The following SLC26A7 variants were observed in gnomAD, a reference collection of about 807,000 sequenced individuals.
SLC26A7 encodes the protein solute carrier family 26 member 7, also known as anion exchange transporter.
SLC26A7 carries 59 observed loss-of-function variants against 82.5 expected under a neutral mutation model. The ratio of observed to expected loss-of-function variants is 0.72; its 90% CI spans 0.58 to 0.89. SLC26A7 has a LOEUF of 0.89. Ranked by LOEUF, SLC26A7 falls within the 40% of genes least tolerant of loss-of-function variation. SLC26A7 has a pLI of 0.00. For synonymous variants in SLC26A7, 271 were observed against 274.3 expected (o/e 0.99, Z 0.12); for missense variants, 820 against 793.0 (o/e 1.03, Z -0.41).
chr8:91,387,102 T>G (rs2130902125), intron 15 of SLC26A7, among the ~76,000 whole-genome samples: 1 of 152,246 alleles, frequency 6.6e-6, no homozygotes, highest in African/African-American at 2.4e-5. Context: ...ACTGTGAAAA[T>G]TTAATAGAAC....
chr8:91,213,714 G>A (rs1469781115), intron 1 of SLC26A7, among the ~76,000 whole-genome samples: 1 of 152,158 alleles, frequency 6.6e-6, no homozygotes, highest in Non-Finnish European at 1.5e-5. Flanking sequence ...TTTGGGAAGT[G>A]CCTAGAAACA....
intron 2 of SLC26A7, among the ~76,000 whole-genome samples, chr8:91,286,694 A>G (rs1811720617): frequency 6.6e-6 from 1 of 152,198 alleles, no homozygotes; most frequent in South Asian, 2.1e-4. Context: ...TTACAGAGAA[A>G]GTAGAGATAA....
intron 2 of SLC26A7, among the ~76,000 whole-genome samples, chr8:91,253,328 A>T (rs1810710371): frequency 6.6e-6 from 1 of 152,000 alleles, no homozygotes; most frequent in Non-Finnish European, 1.5e-5. Flanking sequence ...CACCCTGCCC[A>T]CTAGCATACG....
intron 2 of SLC26A7, among the ~76,000 whole-genome samples, chr8:91,230,126 A>G (rs1810292379): frequency 6.6e-6 from 1 of 152,136 alleles, no homozygotes; most frequent in Non-Finnish European, 1.5e-5. Context: ...ATATTGTTGC[A>G]TATATCACGA....
chr8:91,369,702 T>A, intron 14 of SLC26A7, 83 bp from the exon 15 acceptor site: 1 of 1,013,534 alleles, frequency 9.9e-7, no homozygotes, highest in Non-Finnish European at 1.4e-6. Context: ...TTATTCTTTA[T>A]AAGTAAAAGA....
intron 15 of SLC26A7, among the ~76,000 whole-genome samples, chr8:91,382,555 A>G (rs1302271840): frequency 1.4e-4 from 22 of 152,208 alleles, no homozygotes; most frequent in Admixed American, 1.4e-3. Flanking sequence ...AAAAAAGTCA[A>G]CTAGATCTGT....
At chr8:91,292,756 A>T (rs1811908161) in intron 3 of SLC26A7, among the ~76,000 whole-genome samples, 1 of 152,146 alleles carries the variant, frequency 6.6e-6, no homozygotes, top group African/African-American at 2.4e-5. Context: ...AAAAGGAATA[A>T]ATCAGTTGAT....
chr8:91,366,492 T>A, intron 13 of SLC26A7, 88 bp from the exon 14 acceptor site: 1 of 1,405,756 alleles, frequency 7.1e-7, no homozygotes, highest in Non-Finnish European at 9.7e-7. Context: ...GAGAGATTGC[T>A]TATAAAATTG....
chr8:91,264,206 C>T (rs990216332), intron 2 of SLC26A7, among the ~76,000 whole-genome samples: 30 of 152,084 alleles, frequency 2.0e-4, no homozygotes, highest in African/African-American at 6.8e-4. Flanking sequence ...TTCCTGCCTG[C>T]TGAGACTCAT....
chr8:91,237,949 C>T (rs930386048), intron 2 of SLC26A7, among the ~76,000 whole-genome samples: 1 of 152,144 alleles, frequency 6.6e-6, no homozygotes, highest in African/African-American at 2.4e-5. Flanking sequence ...TTAATCATCA[C>T]CTTATTGTGG....
intron 16 of SLC26A7, among the ~76,000 whole-genome samples, chr8:91,391,645 A>C (rs1010641374): frequency 6.6e-6 from 1 of 152,130 alleles, no homozygotes; most frequent in African/African-American, 2.4e-5. Flanking sequence ...TAAAGTCTAC[A>C]AGAGTCTCTT....
At position 91,338,156 on chromosome 8, in the gene SLC26A7, G is replaced by C. The variant is rs964552818; in HGVS notation, c.802G>C (p.Ala268Pro). 3.1e-6 allele frequency: 5 copies of C among 1,607,894 alleles called. No individual in the cohort carries two copies. In the African/African-American group the frequency reaches 5.4e-5, roughly 17 times the overall value. The change falls in exon 7 of 19, where the codon GCT becomes CCT. Residue 268 changes from alanine to proline, a missense_variant. Transcript: ENST00000276609. ...TTCAAATGGAACCACACAGATTATT[G>C]CTGCATCATTTGCTTGTTATTGCAC... ...VLPVDLVLII[A>P]ASFACYCTNM...
chr8:91,250,308 T>A (rs1461203602), intron 2 of SLC26A7, among the ~76,000 whole-genome samples: 1 of 152,148 alleles, frequency 6.6e-6, no homozygotes. Context: ...TAAAGGAGGC[T>A]CTTTGCCAAG....
At chr8:91,310,275 T>G (rs529562945) in intron 4 of SLC26A7, among the ~76,000 whole-genome samples, 2 of 152,138 alleles carry the variant, frequency 1.3e-5, no homozygotes, top group Admixed American at 1.3e-4. Flanking sequence ...TTGGAGAAAA[T>G]GGAGAAAAGT....
chr8:91,259,148 C>A (rs1208907838), intron 2 of SLC26A7, among the ~76,000 whole-genome samples: 3 of 152,034 alleles, frequency 2.0e-5, no homozygotes, highest in Non-Finnish European at 4.4e-5. Flanking sequence ...GTTTAAATAC[C>A]AGAAGACTTA....
chr8:91,394,777 T>C (rs1808521194), intron 18 of SLC26A7: 11 of 1,035,230 alleles, frequency 1.1e-5, no homozygotes, highest in Non-Finnish European at 1.4e-5. Context: ...TTAACTGAAT[T>C]TGCCATGACC....
At chr8:91,234,781 T>TCCC (rs1810363174) in intron 2 of SLC26A7, among the ~76,000 whole-genome samples, 1 of 119,010 alleles carries the variant, frequency 8.4e-6, no homozygotes, top group Non-Finnish European at 1.9e-5. Context: ...CCTTCCTTCC[T>TCCC]TCCCTCCCTC....
At chr8:91,356,172 A>C (rs1044238900) in intron 11 of SLC26A7, among the ~76,000 whole-genome samples, 2 of 151,874 alleles carry the variant, frequency 1.3e-5, no homozygotes, top group Non-Finnish European at 2.9e-5. Flanking sequence ...TATTGTGAAT[A>C]GTGCCGCAAT....
Position 91,394,053 on chromosome 8 carries a change from G to A in SLC26A7, c.1935+14G>A. On this transcript the variant is annotated intron_variant, in intron 18 of 18. Coordinates refer to ENST00000276609, the MANE Select transcript of SLC26A7 (RefSeq NM_052832.4). ...CATTCAAATAAGGTGAGTTGATTAAGTTGGGCTGAAGGAGTTATAAGAATA... is the reference window on the plus strand; with the variant it reads ...CATTCAAATAAGGTGAGTTGATTAAATTGGGCTGAAGGAGTTATAAGAATA... The A allele has an allele frequency of 1.9e-6, 3 of 1,608,210 alleles. No individual in the cohort carries two copies. Among genetic ancestry groups the A allele is most frequent in the African/African-American group, 1.3e-5 (1 of 74,836 alleles).
Sources: allele counts gnomAD v4.1 joint callset (sites outside exome capture counted in the v4.1 genomes callset), GRCh38; gene constraint gnomAD v4.1.1; transcripts MANE v1.5; gene names NCBI Gene and HGNC (gene_info 2026-07-23, HGNC 2026-07-21).